FAM184B: variants seen among roughly 807,000 people sequenced by gnomAD.
FAM184B encodes the protein family with sequence similarity 184 member B.
FAM184B carries 111 observed loss-of-function variants against 135.9 expected under a neutral mutation model. That is an observed-to-expected ratio of 0.82 (90% CI 0.70 to 0.96). The LOEUF (loss-of-function observed/expected upper bound fraction) is 0.96, where lower values mean the gene tolerates loss of function less well. FAM184B is among the 40% of genes least tolerant of loss of function. The pLI is 0.00. For missense variants in FAM184B, 1,375 were observed against 1,323.9 expected (o/e 1.04, Z -0.60); for synonymous variants, 552 against 524.8 (o/e 1.05, Z -0.71).
intron 1 of FAM184B, among the ~76,000 whole-genome samples, chr4:17,768,463 C>T (rs978326956): frequency 3.9e-5 from 6 of 152,172 alleles, no homozygotes; most frequent in East Asian, 1.9e-4. Flanking sequence ...TTAGTAGAGA[C>T]GGGGTGTCAC....
chr4:17,775,117 C>T lies in FAM184B; in HGVS notation c.141+6042G>A, dbSNP rs554335211. ...GTTCAAGTGATTCTCCTGCCTCAGCCTCCTGGGTAGCTGGGACTACAGGTG... is the reference window on the plus strand; with the variant it reads ...GTTCAAGTGATTCTCCTGCCTCAGCTTCCTGGGTAGCTGGGACTACAGGTG... On this transcript the variant is annotated intron_variant, in intron 1 of 17. Coordinates refer to ENST00000265018, the MANE Select transcript of FAM184B (RefSeq NM_015688.2). 2.0e-4 allele frequency among the ~76,000 whole-genome samples: 31 copies of T among 151,248 alleles called. No homozygotes were observed. In the East Asian group the frequency reaches 2.1e-3, roughly 10 times the overall value.
At chr4:17,747,789 CG>C (rs1256581512) in intron 1 of FAM184B, among the ~76,000 whole-genome samples, 2 of 151,616 alleles carry the variant, frequency 1.3e-5, no homozygotes, top group Non-Finnish European at 2.9e-5. Context: ...GGCGAGGTGG[CG>C]GGCGCCTGTA....
At chr4:17,642,030 G>C in intron 13 of FAM184B, 26 bp downstream of exon 13, 1 of 1,511,878 alleles carries the variant, frequency 6.6e-7, no homozygotes, top group Non-Finnish European at 8.8e-7. Flanking sequence ...GGGTGGCGCG[G>C]TGGCGGGGCG....
intron 5 of FAM184B, among the ~76,000 whole-genome samples, chr4:17,704,453 T>A (rs1717061159): frequency 6.6e-6 from 1 of 152,220 alleles, no homozygotes; most frequent in Non-Finnish European, 1.5e-5. Flanking sequence ...GGCACTAGGA[T>A]ACGCCTTGTG....
At position 17,668,280 on chromosome 4, in the gene FAM184B, T is replaced by C. The variant is rs529272461; in HGVS notation, c.1597-3621A>G. Among the ~76,000 whole-genome samples, 9 of 152,338 alleles carry C rather than the reference T, an allele frequency of 5.9e-5. No homozygotes were observed. The South Asian group carries it at 1.9e-3, about 32-fold the overall frequency. ...CAGTTGAACGTAAAGTGTTTAGCTG[T>C]CTCCTTCAATTATGCTAGGTCAGTT... On this transcript the variant is annotated intron_variant, in intron 7 of 17. Transcript: ENST00000265018.
intron 1 of FAM184B, among the ~76,000 whole-genome samples, chr4:17,776,307 A>T (rs74787004): frequency 0.019 from 2,836 of 152,372 alleles, 87 homozygotes; most frequent in African/African-American, 0.065. Context: ...TTTACTGAGG[A>T]TCTACTATGT....
intron 1 of FAM184B, among the ~76,000 whole-genome samples, chr4:17,731,864 C>T (rs1046534465): frequency 1.5e-4 from 23 of 152,138 alleles, no homozygotes; most frequent in Non-Finnish European, 5.9e-5. Flanking sequence ...CTCTCCACCC[C>T]AAATCAACAG....
At chr4:17,769,977 G>T (rs951071788) in intron 1 of FAM184B, among the ~76,000 whole-genome samples, 2 of 152,224 alleles carry the variant, frequency 1.3e-5, no homozygotes, top group African/African-American at 2.4e-5. Flanking sequence ...TCTGAGCCAA[G>T]TTGGCTGAGT....
chr4:17,707,976 G>T (rs570732934), intron 2 of FAM184B, among the ~76,000 whole-genome samples, 192 bp from the exon 3 acceptor site: 1 of 151,974 alleles, frequency 6.6e-6, no homozygotes, highest in Admixed American at 6.6e-5. Context: ...AGGATTAAAT[G>T]AGATAAAGTG....
intron 1 of FAM184B, among the ~76,000 whole-genome samples, chr4:17,750,002 A>G (rs1304166645): frequency 6.6e-6 from 1 of 152,162 alleles, no homozygotes; most frequent in Non-Finnish European, 1.5e-5. Context: ...GTTTACACCT[A>G]TGTTGAAGTT....
intron 1 of FAM184B, among the ~76,000 whole-genome samples, chr4:17,726,226 C>G (rs1717636234): frequency 6.6e-6 from 1 of 151,998 alleles, no homozygotes; most frequent in East Asian, 1.9e-4. Flanking sequence ...GCCCGGCCCA[C>G]TAATCAAAAC....
intron 7 of FAM184B, among the ~76,000 whole-genome samples, chr4:17,673,939 C>A (rs1191513671): frequency 6.6e-6 from 1 of 151,704 alleles, no homozygotes; most frequent in South Asian, 2.1e-4. Context: ...AAAACAACAA[C>A]AACAAACAAA....
chr4:17,657,592 CAT>C (rs1715804448), intron 10 of FAM184B, among the ~76,000 whole-genome samples: 1 of 151,706 alleles, frequency 6.6e-6, no homozygotes, highest in African/African-American at 2.4e-5. Flanking sequence ...CCAGATTATC[CAT>C]AGTTGTTTAA....
chr4:17,641,039 T>TC (rs1467990971), intron 13 of FAM184B, among the ~76,000 whole-genome samples: 5 of 151,804 alleles, frequency 3.3e-5, no homozygotes, highest in Non-Finnish European at 7.4e-5. Flanking sequence ...GCTCAAGCAA[T>TC]CCCCCCTCAC....
intron 7 of FAM184B, among the ~76,000 whole-genome samples, chr4:17,687,636 G>A (rs1716617211): frequency 6.6e-6 from 1 of 152,164 alleles, no homozygotes; most frequent in African/African-American, 2.4e-5. Context: ...TTATAAGAAG[G>A]CTGTGTGAAG....
chr4:17,723,778 A>T (rs1717583359), intron 1 of FAM184B, among the ~76,000 whole-genome samples: 1 of 152,184 alleles, frequency 6.6e-6, no homozygotes, highest in South Asian at 2.1e-4. Context: ...AAATCTTCTT[A>T]CTGTTGCTGT....
At chr4:17,675,107 T>C (rs1170213549) in intron 7 of FAM184B, among the ~76,000 whole-genome samples, 1 of 152,256 alleles carries the variant, frequency 6.6e-6, no homozygotes, top group African/African-American at 2.4e-5. Context: ...GGAGAACCAC[T>C]ATCTATGGCA....
At chr4:17,680,596 C>A (rs905445564) in intron 7 of FAM184B, among the ~76,000 whole-genome samples, 1 of 152,160 alleles carries the variant, frequency 6.6e-6, no homozygotes, top group African/African-American at 2.4e-5. Flanking sequence ...TTGTTCAACC[C>A]AATTCCTACT....
In FAM184B at chr4:17,709,256, G is replaced by T. The variant is rs1051519837; in HGVS notation, c.530C>A (p.Pro177His). The part of the protein sequence containing the change: ...SHEATPQGRL[P>H]QESPETKSEP... ...CGACTTGGTTTCAGGGCTCTCCTGG[G>T]GCAGCCGGCCCTGCGGGGTAGCCTC... Residue 177 changes from proline to histidine, a missense_variant, in exon 2 of 18, where the codon CCC becomes CAC. Physicochemically the swap from Pro to His is moderately conservative, Grantham distance 77 (BLOSUM62 -2). Transcript: ENST00000265018. 1.3e-6 allele frequency: 2 copies of T among 1,547,518 alleles called. No individual in the cohort carries two copies. Among genetic ancestry groups the T allele is most frequent in the Non-Finnish European group, 1.7e-6 (2 of 1,144,912 alleles).
Sources: allele counts gnomAD v4.1 joint callset (sites outside exome capture counted in the v4.1 genomes callset), GRCh38; gene constraint gnomAD v4.1.1; transcripts MANE v1.5; gene names NCBI Gene and HGNC (gene_info 2026-07-23, HGNC 2026-07-21).